The following GTPBP10 variants were observed in gnomAD, a reference collection of about 807,000 sequenced individuals.
GTPBP10 encodes the protein GTP binding protein 10.
A neutral mutation model predicts 44.8 loss-of-function variants in GTPBP10; 38 were observed. The ratio of observed to expected loss-of-function variants is 0.85; its 90% CI spans 0.65 to 1.11. The LOEUF (loss-of-function observed/expected upper bound fraction) is 1.11. Among genes scored for constraint, GTPBP10 ranks in the 50% most tolerant of loss-of-function variants. The pLI is 0.00. For synonymous variants in GTPBP10, 152 were observed against 150.6 expected, an observed-to-expected ratio of 1.01 and a Z score of -0.07; for missense variants, 462 against 453.7, an observed-to-expected ratio of 1.02 and a Z score of -0.17.
At chr7:90,378,785 C>G (rs1403095549) in intron 8 of GTPBP10, among the ~76,000 whole-genome samples, 2 of 152,124 alleles carry the variant, frequency 1.3e-5, no homozygotes, top group East Asian at 3.9e-4. Flanking sequence ...TCTCGGCTCT[C>G]TCTGTCTCCC....
At position 90,354,502 on chromosome 7, in the gene GTPBP10, C is replaced by A; in HGVS notation, c.272C>A (p.Pro91His). The A allele has an allele frequency of 6.3e-7, 1 of 1,589,938 alleles. No homozygotes were observed. Among genetic ancestry groups the A allele is most frequent in the Admixed American group, 1.8e-5 (1 of 55,460 alleles). Residue 91 changes from proline to histidine, a missense_variant, in exon 3 of 10, where the codon CCT becomes CAT. By Grantham distance (77) the Pro-to-His change is moderately conservative. Coordinates refer to ENST00000222511, the MANE Select transcript of GTPBP10 (RefSeq NM_033107.4). Reference protein sequence around the residue: ...KGSKGKDCEIPVPVGISVTDE... With the variant: ...KGSKGKDCEIHVPVGISVTDE... ...TCCAAAGGAAAAGACTGTGAAATCC[C>A]TGTGCCTGTGGGTATTTCAGTAACT... is the stretch of plus-strand genomic sequence containing the variant.
At chr7:90,362,554 T>C (rs1796045384) in intron 4 of GTPBP10, among the ~76,000 whole-genome samples, 1 of 152,222 alleles carries the variant, frequency 6.6e-6, no homozygotes, top group Non-Finnish European at 1.5e-5. Context: ...TACTTCCAAC[T>C]ATGTGGTCAA....
At chr7:90,376,070 C>CA (rs368737563) in intron 6 of GTPBP10, among the ~76,000 whole-genome samples, 28,084 of 129,186 alleles carry the variant, frequency 0.22, 2,792 homozygotes, top group Middle Eastern at 0.25. Flanking sequence ...ACTAAAAATA[C>CA]AAAAAAAAAA....
chr7:90,374,501 A>G (rs1205457587), intron 6 of GTPBP10, 147 bp downstream of exon 6: 1 of 586,570 alleles, frequency 1.7e-6, no homozygotes, highest in Non-Finnish European at 3.0e-6. Flanking sequence ...GAAACTGGTC[A>G]AATTAATTCT....
chr7:90,385,040 A>G lies in GTPBP10; in HGVS notation c.1050A>G (p.Glu350=). The change falls in exon 10 of 10, where the codon GAA becomes GAG. Residue 350 remains glutamate (E), a synonymous_variant. Coordinates refer to ENST00000222511, the MANE Select transcript of GTPBP10 (RefSeq NM_033107.4). ...CACTGGATGAACAGGCCAACCAGGA[A>G]AATGATGCACTTCATAAGAAACAGT... The part of the protein sequence containing the change: ...RKSLDEQANQ[E]NDALHKKQLL... 6.2e-7 allele frequency: 1 copy of G among 1,614,038 alleles called. No homozygotes were observed. The highest frequency in any genetic ancestry group is 1.1e-5 in the South Asian group (1 of 91,078).
Position 90,372,332 on chromosome 7 carries a change from C to A in GTPBP10, c.538+104C>A, listed in dbSNP as rs112792641. The A allele has an allele frequency of 3.8e-3, 3,185 of 835,936 alleles. 87 individuals carry two copies. In the African/African-American group the frequency reaches 0.047, roughly 12 times the overall value. The allele number at this position is 835,936 out of a possible 1,614,324, so 51.8% of individuals were successfully genotyped here. A position where few individuals can be genotyped will look rare whatever the true frequency, so the allele number is the denominator to read the frequency against. On this transcript the variant is annotated intron_variant, in intron 5 of 9. Transcript: ENST00000222511. ...ATGATAACTCGGAGGGTATCCTTAA[C>A]TGAAAAATTTTTGGCAGATAGACTA... is the stretch of plus-strand genomic sequence containing the variant.
At position 90,388,271 on chromosome 7, in the gene GTPBP10, T is replaced by C. The variant is rs1332920715; in HGVS notation, c.*3117T>C. The C allele has an allele frequency of 6.6e-6, 1 of 152,224 alleles. No homozygotes were observed. Among genetic ancestry groups the C allele is most frequent in the Non-Finnish European group, 1.5e-5 (1 of 68,036 alleles). 9.4% of individuals were successfully genotyped at this position (152,224 alleles called of 1,614,324 possible). ...TTAACATTATCTCAGATGCATTTTA[T>C]TTTGTCCTTAAGTAAGACTTTTCAT... On this transcript the variant is annotated 3_prime_UTR_variant, in exon 10 of 10. Coordinates refer to ENST00000222511, the MANE Select transcript of GTPBP10 (RefSeq NM_033107.4).
chr7:90,353,238 T>A, intron 2 of GTPBP10: 1 of 364,858 alleles, frequency 2.7e-6, no homozygotes, highest in Non-Finnish European at 4.9e-6. Flanking sequence ...ATCTGTATTC[T>A]TTTTGCACTT....
At chr7:90,352,776 A>G in intron 1 of GTPBP10, 40 bp from the exon 2 acceptor site, 1 of 1,480,338 alleles carries the variant, frequency 6.8e-7, no homozygotes, top group Non-Finnish European at 9.1e-7. Context: ...AAGGTGATAC[A>G]CTTTTGGTAT....
At chr7:90,357,211 A>C (rs42668) in intron 4 of GTPBP10, among the ~76,000 whole-genome samples, 77,510 of 151,988 alleles carry the variant, frequency 0.51, 20,888 homozygotes, top group East Asian at 0.63. Flanking sequence ...AAAATTTCAA[A>C]TATCTGTTAT....
intron 8 of GTPBP10, among the ~76,000 whole-genome samples, chr7:90,378,913 G>T (rs1487957014): frequency 6.6e-6 from 1 of 152,104 alleles, no homozygotes; most frequent in African/African-American, 2.4e-5. Flanking sequence ...ATGTTGGCCA[G>T]GCTGGTCTCA....
intron 4 of GTPBP10, among the ~76,000 whole-genome samples, chr7:90,364,820 C>A (rs770316251): frequency 5.3e-5 from 8 of 152,190 alleles, no homozygotes; most frequent in Non-Finnish European, 8.8e-5. Context: ...CAAGCCTCAG[C>A]AATGGCGGGC....
chr7:90,347,716 TATA>T (rs1290988318), intron 1 of GTPBP10: 2 of 153,022 alleles, frequency 1.3e-5, no homozygotes, highest in East Asian at 1.9e-4. Flanking sequence ...ATAATAGAGA[TATA>T]ATCAAATTGC....
rs575036564 is a variant in GTPBP10 at position 90,364,982 on chromosome 7, G to T, written c.465-7173G>T. Among the ~76,000 whole-genome samples, 11 of 152,344 alleles carry T rather than the reference G, an allele frequency of 7.2e-5. No individual in the cohort carries two copies. In the South Asian group the frequency reaches 2.3e-3, roughly 32 times the overall value. On this transcript the variant is annotated intron_variant, in intron 4 of 9. Transcript: ENST00000222511. ...CATTTGCTAAGGCCATTGGAAAAGT[G>T]CAGTATTAGGGTGGGAGTGACCCGA...
intron 6 of GTPBP10, among the ~76,000 whole-genome samples, chr7:90,375,117 A>T (rs1796321230): frequency 6.6e-6 from 1 of 152,170 alleles, no homozygotes; most frequent in South Asian, 2.1e-4. Context: ...TAAGTGAGAG[A>T]AGCCAATCTG....
intron 8 of GTPBP10, among the ~76,000 whole-genome samples, chr7:90,379,140 G>A (rs995764429): frequency 4.6e-5 from 7 of 152,294 alleles, no homozygotes; most frequent in African/African-American, 1.7e-4. Flanking sequence ...GAATGTGTAA[G>A]CTATGATATA....
chr7:90,390,661 A>G lies in GTPBP10; in HGVS notation c.*5507A>G, dbSNP rs1231964346. 6.6e-6 allele frequency: 1 copy of G among 152,188 alleles called. No homozygotes were observed. The highest frequency in any genetic ancestry group is 1.5e-5 in the Non-Finnish European group (1 of 68,026). The allele number at this position is 152,188 out of a possible 1,614,324, so 9.4% of individuals were successfully genotyped here. On this transcript the variant is annotated 3_prime_UTR_variant, in exon 10 of 10. Coordinates refer to ENST00000222511, the MANE Select transcript of GTPBP10 (RefSeq NM_033107.4). ...ATGGCATGATAGTATTTTCTTATCT[A>G]AATTCTGAGTGCATTGAAAGTTTAA...
intron 1 of GTPBP10, chr7:90,347,514 C>T: frequency 1.9e-6 from 1 of 519,728 alleles, no homozygotes; most frequent in Non-Finnish European, 2.5e-6. Context: ...AAAAAAATCC[C>T]ATTTGTTTTT....
At chr7:90,377,348 AC>A (rs1796358172) in intron 6 of GTPBP10, among the ~76,000 whole-genome samples, 158 bp from the exon 7 acceptor site, 1 of 152,236 alleles carries the variant, frequency 6.6e-6, no homozygotes, top group Non-Finnish European at 1.5e-5. Flanking sequence ...TTAATACTGT[AC>A]ATTAATTTTA....
Sources: gnomAD v4.1 joint callset for allele counts (sites outside exome capture counted in the v4.1 genomes callset) on GRCh38, gnomAD v4.1.1 for gene constraint, MANE v1.5 for transcripts, NCBI Gene and HGNC (gene_info 2026-07-23, HGNC 2026-07-21) for gene names.